The following PLEC variants were observed in gnomAD, a reference collection of about 807,000 sequenced individuals.
PLEC encodes plectin, also known as hemidesmosomal protein 1.
In PLEC, 216 loss-of-function variants were observed where a neutral mutation model predicts 392.8. The observed-to-expected ratio is 0.55, with a 90% CI of 0.49 to 0.62. The LOEUF (loss-of-function observed/expected upper bound fraction) is 0.62, where lower values mean the gene tolerates loss of function less well. Ranked by LOEUF, PLEC falls within the 20% of genes least tolerant of loss-of-function variation. PLEC has a pLI of 0.00. For missense variants in PLEC, 6,863 were observed against 6,563.4 expected, an observed-to-expected ratio of 1.05 and a Z score of -1.58; for synonymous variants, 3,621 against 2,980.6, an observed-to-expected ratio of 1.21 and a Z score of -7.00.
At position 143,935,854 on chromosome 8, in the gene PLEC, C is replaced by T. The variant is rs782356049; in HGVS notation, c.596G>A (p.Arg199Gln). The change falls in exon 6 of 32, where the codon CGG becomes CAG. Residue 199 changes from arginine to glutamine, a missense_variant. Coordinates refer to ENST00000345136, the MANE Select transcript of PLEC (RefSeq NM_201384.3). ...TGCCCCCGGGGCCATGTACTTGTGC[C>T]GGTGGATGATGGCATTGAAGAGGCG... ...DGRLFNAIIHRHKPLLIDMNK... is the reference protein window; with the variant it reads ...DGRLFNAIIHQHKPLLIDMNK... The T allele has an allele frequency of 5.6e-6, 9 of 1,612,702 alleles. No individual in the cohort carries two copies. Among genetic ancestry groups the T allele is most frequent in the African/African-American group, 1.3e-5 (1 of 74,902 alleles).
intron 1 of PLEC, among the ~76,000 whole-genome samples, chr8:143,948,381 G>A (rs990517652): frequency 1.3e-5 from 2 of 152,220 alleles, no homozygotes; most frequent in Admixed American, 6.5e-5. Flanking sequence ...AGAAGTGCCT[G>A]GTCTCAGGTA....
chr8:143,937,385 G>T (rs907790498), intron 3 of PLEC, 143 bp from the exon 4 acceptor site: 4 of 685,304 alleles, frequency 5.8e-6, no homozygotes, highest in Non-Finnish European at 1.0e-5. Flanking sequence ...ACCCTCCCCC[G>T]CAGGGAAAGG....
chr8:143,916,929 T>A lies in PLEC; in HGVS notation c.12892A>T (p.Met4298Leu). The change falls in exon 32 of 32, where the codon ATG becomes TTG. Residue 4298 changes from methionine (M) to leucine (L), a missense_variant. Coordinates refer to ENST00000345136, the MANE Select transcript of PLEC (RefSeq NM_201384.3). ...ATGTTATCCACCAGGTTCCGGTGCA[T>A]GGCCTCGGTGATGGACACCTTCTCC... is the stretch of plus-strand genomic sequence containing the variant. ...TLEKVSITEA[M>L]HRNLVDNITG... 2 of 1,612,874 alleles carry A rather than the reference T, an allele frequency of 1.2e-6. No individual in the cohort carries two copies. The highest frequency in any genetic ancestry group is 1.7e-6 in the Non-Finnish European group (2 of 1,179,976).
upstream of PLEC, among the ~76,000 whole-genome samples, chr8:143,952,204 ACACACGCGCG>A (rs1208234118): frequency 6.4e-5 from 8 of 125,942 alleles, no homozygotes; most frequent in Non-Finnish European, 1.0e-4. Context: ...ACACACACAC[ACACACGCGCG>A]CACACACGCA....
Position 143,925,803 on chromosome 8 carries a change from C to T in PLEC, c.4126G>A (p.Ala1376Thr), listed in dbSNP as rs782027646. The change falls in exon 31 of 32, where the codon GCC becomes ACC. Residue 1376 changes from alanine to threonine, a missense_variant. Transcript: ENST00000345136. ...GCCTTTGCCTGGGCGTGCGCCTCGG[C>T]CAGCTGCCGCTGCTTCTCCAGCGCG... ...EAALEKQRQL[A>T]EAHAQAKAQA... 2 of 1,570,428 alleles carry T rather than the reference C, an allele frequency of 1.3e-6. No individual in the cohort carries two copies. The highest frequency in any genetic ancestry group is 1.7e-6 in the Non-Finnish European group (2 of 1,165,798).
rs1554707992 is a variant in PLEC, at chr8:143,927,596, A to G, written c.3570T>C (p.Ala1190=). 6.3e-7 allele frequency: 1 copy of G among 1,587,704 alleles called. No individual in the cohort carries two copies. The highest frequency in any genetic ancestry group is 8.5e-7 in the Non-Finnish European group (1 of 1,173,776). ...GCCGCACGTCGGTCTGGGCCAGCACAGCCTGCCAGCGCTCAAGCAACTGGG... is the reference window on the plus strand; with the variant it reads ...GCCGCACGTCGGTCTGGGCCAGCACGGCCTGCCAGCGCTCAAGCAACTGGG... ...RVAQLLERWQ[A]VLAQTDVRQR... Residue 1190 remains alanine, a synonymous_variant, in exon 27 of 32, where the codon GCT becomes GCC. Coordinates refer to ENST00000345136, the MANE Select transcript of PLEC (RefSeq NM_201384.3).
chr8:143,945,485 C>T (rs1831327979), intron 1 of PLEC, among the ~76,000 whole-genome samples: 1 of 152,228 alleles, frequency 6.6e-6, no homozygotes, highest in Non-Finnish European at 1.5e-5. Flanking sequence ...CAGTCCTGCT[C>T]CTCTTCCTGG....
In PLEC at chr8:143,921,289, C is replaced by G. The variant is rs782732824; in HGVS notation, c.8532G>C (p.Ala2844=). Residue 2844 remains alanine (A), a synonymous_variant, in exon 32 of 32, where the codon GCG becomes GCC. Coordinates refer to ENST00000345136, the MANE Select transcript of PLEC (RefSeq NM_201384.3). ...AGCCCTTGGTGTCGTCGCTGGGGTCCGCCAGGACGCGGTTCATCTCCTCGT... is the reference window on the plus strand; with the variant it reads ...AGCCCTTGGTGTCGTCGCTGGGGTCGGCCAGGACGCGGTTCATCTCCTCGT... ...YFDEEMNRVL[A]DPSDDTKGFF... 9.3e-6 allele frequency: 15 copies of G among 1,613,922 alleles called. No individual in the cohort carries two copies. Among genetic ancestry groups the G allele is most frequent in the African/African-American group, 5.3e-5 (4 of 74,942 alleles).
chr8:143,924,290 A>G lies in PLEC; in HGVS notation c.5639T>C (p.Leu1880Pro), dbSNP rs1367343945. The G allele has an allele frequency of 2.5e-6, 4 of 1,594,090 alleles. No homozygotes were observed. Among genetic ancestry groups the G allele is most frequent in the Non-Finnish European group, 3.4e-6 (4 of 1,177,892 alleles). ...CTTGTGTTGCGCGGCCTGCTCCTCC[A>G]GCCGCCGCCGCTGGAAGGCCTCGTC... is the stretch of plus-strand genomic sequence containing the variant. ...AEDEAFQRRR[L>P]EEQAAQHKAD... The change falls in exon 31 of 32, where the codon CTG becomes CCG. Residue 1880 changes from leucine (L) to proline (P), a missense_variant. By Grantham distance (98) the Leu-to-Pro change is moderately conservative. Coordinates refer to ENST00000345136, the MANE Select transcript of PLEC (RefSeq NM_201384.3).
At position 143,919,101 on chromosome 8, in the gene PLEC, T is replaced by G; in HGVS notation, c.10720A>C (p.Ile3574Leu). 1 of 1,612,480 alleles carries G rather than the reference T, an allele frequency of 6.2e-7. No homozygotes were observed. Among genetic ancestry groups the G allele is most frequent in the Non-Finnish European group, 8.5e-7 (1 of 1,180,016 alleles). ...RRAFEETQID[I>L]PGGGSHGGST... ...CCGCCGTGGCTGCCGCCGCCGGGAA[T>G]GTCGATCTGTGTCTCTTCAAATGCC... The change falls in exon 32 of 32, where the codon ATT becomes CTT. Residue 3574 changes from isoleucine (I) to leucine (L), a missense_variant. Ile to Leu is a conservative substitution (Grantham distance 5). Coordinates refer to ENST00000345136, the MANE Select transcript of PLEC (RefSeq NM_201384.3).
intron 1 of PLEC, chr8:143,946,360 C>A (rs1333984485): frequency 7.8e-7 from 1 of 1,289,092 alleles, no homozygotes; most frequent in African/African-American, 1.5e-5. Context: ...CTTGGCCCAG[C>A]TGAATCAGCT....
exon 1 of PLEC, chr8:143,950,840 A>AGGCGGGCG: frequency 6.8e-7 from 1 of 1,479,990 alleles, no homozygotes; most frequent in Non-Finnish European, 9.0e-7. Context: ...GCGGGCGGGC[A>AGGCGGGCG]GGCAGGCTGG....
At chr8:143,946,524 C>A in intron 1 of PLEC, 1 of 555,952 alleles carries the variant, frequency 1.8e-6, no homozygotes, top group South Asian at 1.7e-5. Flanking sequence ...CGCAGCCACC[C>A]CTTAGTCAGT....
exon 1 of PLEC, chr8:143,950,470 G>A (rs782255533): frequency 7.5e-6 from 12 of 1,606,674 alleles, no homozygotes; most frequent in South Asian, 6.7e-5. Context: ...GGAGGTGGGC[G>A]ATGCCTTCAT....
Position 143,934,685 on chromosome 8 carries a change from C to G in PLEC, c.991G>C (p.Ala331Pro). Residue 331 changes from alanine to proline, a missense_variant, in exon 10 of 32, where the codon GCC becomes CCC. Transcript: ENST00000345136. ...GACCTGTTCTTGTCGGCCTCCTTGG[C>G]TGGTAGCTCCATCTCCTTAAACTTC... is the stretch of plus-strand genomic sequence containing the variant. ...FLKFKEMELP[A>P]KEADKNRSKG... The G allele has an allele frequency of 1.2e-6, 2 of 1,613,018 alleles. No homozygotes were observed. Among genetic ancestry groups the G allele is most frequent in the Admixed American group, 1.7e-5 (1 of 60,032 alleles).
intron 11 of PLEC, 84 bp from the exon 12 acceptor site, chr8:143,934,175 G>T: frequency 6.3e-7 from 1 of 1,583,678 alleles, no homozygotes. Context: ...CTCCCGCTCC[G>T]GTCTCCCTGG....
chr8:143,920,999 A>C lies in PLEC; in HGVS notation c.8822T>G (p.Leu2941Arg). 1.2e-6 allele frequency: 2 copies of C among 1,613,090 alleles called. No individual in the cohort carries two copies. The highest frequency in any genetic ancestry group is 1.7e-6 in the Non-Finnish European group (2 of 1,180,022). The change falls in exon 32 of 32, where the codon CTG becomes CGG. Residue 2941 changes from leucine (L) to arginine (R), a missense_variant. Physicochemically the swap from Leu to Arg is moderately radical, Grantham distance 102. Coordinates refer to ENST00000345136, the MANE Select transcript of PLEC (RefSeq NM_201384.3). ...EYFTAEQRRD[L>R]LRQFRTGRIT... is the part of the protein sequence containing the mutation. ...CCGGCCCGTGCGGAACTGCCGCAGC[A>C]GGTCCCGCCGCTGCTCTGCCGTGAA...
chr8:143,953,988 G>T, upstream of PLEC: 2 of 1,222,652 alleles, frequency 1.6e-6, no homozygotes, highest in Non-Finnish European at 2.1e-6. Context: ...CCCAGCCTGT[G>T]GTTCTGGGGC....
At chr8:143,941,806 A>C (rs1830510919), upstream of PLEC, among the ~76,000 whole-genome samples, 1 of 151,908 alleles carries the variant, frequency 6.6e-6, no homozygotes, top group South Asian at 2.1e-4. Context: ...CGCACCCAGA[A>C]CACCCCCAGC....
Sources: gnomAD v4.1 joint callset for allele counts (sites outside exome capture counted in the v4.1 genomes callset) on GRCh38, gnomAD v4.1.1 for gene constraint, MANE v1.5 for transcripts, NCBI Gene and HGNC (gene_info 2026-07-23, HGNC 2026-07-21) for gene names.